Variants in CASK observed in about 807,000 individuals in gnomAD.
The protein encoded by CASK is peripheral plasma membrane protein CASK.
CASK carries 4 observed loss-of-function variants against 82.9 expected under a neutral mutation model. The observed-to-expected ratio is 0.05, with a 90% CI of 0.02 to 0.11. The LOEUF is 0.11. CASK is among the 10% of genes least tolerant of loss of function. CASK has a pLI of 1.00. For synonymous variants in CASK, 259 were observed against 253.5 expected (o/e 1.02, Z -0.20); for missense variants, 358 against 720.9 (o/e 0.50, Z 5.76).
At chrX:41,627,820 C>T (rs766458772) in intron 9 of CASK, among the ~76,000 whole-genome samples, 50 of 111,767 alleles carry the variant, frequency 4.5e-4, no homozygotes, top group African/African-American at 1.4e-3. Flanking sequence ...CTGACCAACA[C>T]GGAGAAACCC....
intron 11 of CASK, among the ~76,000 whole-genome samples, chrX:41,614,511 A>C (rs1312407239): frequency 9.1e-6 from 1 of 110,314 alleles, no homozygotes; most frequent in Admixed American, 9.6e-5. Context: ...CTGTTGAAGG[A>C]ACTATGGATA....
chrX:41,878,813 C>G (rs1432730772), intron 1 of CASK, among the ~76,000 whole-genome samples: 1 of 110,823 alleles, frequency 9.0e-6, no homozygotes. Flanking sequence ...ATCTTAAAAT[C>G]TGGAAATCCT....
intron 1 of CASK, among the ~76,000 whole-genome samples, chrX:41,907,612 G>A (rs756535962): frequency 1.8e-5 from 2 of 111,566 alleles, no homozygotes; most frequent in South Asian, 3.8e-4. Context: ...AAGATTGCCC[G>A]AAATATTCAA....
chrX:41,708,862 G>GT (rs1333498003), intron 5 of CASK, among the ~76,000 whole-genome samples: 25 of 106,950 alleles, frequency 2.3e-4, no homozygotes, highest in South Asian at 1.9e-3. Flanking sequence ...CTTCTTTCCA[G>GT]TTTTTTTTTT....
At chrX:41,548,894 A>G (rs1445243951) in intron 21 of CASK, among the ~76,000 whole-genome samples, 1 of 112,201 alleles carries the variant, frequency 8.9e-6, no homozygotes, top group Non-Finnish European at 1.9e-5. Flanking sequence ...CAGAGGAATG[A>G]AATTGATTTT....
At chrX:41,569,791 T>C (rs2065380886) in intron 15 of CASK, 45 bp from the exon 16 acceptor site, 1 of 754,034 alleles carries the variant, frequency 1.3e-6, no homozygotes, top group Non-Finnish European at 2.0e-6. Context: ...AGAATTACTA[T>C]GACAGTGCTT....
At chrX:41,590,085 G>C in intron 12 of CASK, 1 of 132,401 alleles carries the variant, frequency 7.6e-6, no homozygotes, top group Middle Eastern at 3.6e-3. Context: ...TCTCACAAAG[G>C]CTTATGGTTG....
intron 16 of CASK, among the ~76,000 whole-genome samples, chrX:41,564,771 C>T (rs772673486): frequency 8.9e-6 from 1 of 111,787 alleles, no homozygotes; most frequent in South Asian, 3.7e-4. Flanking sequence ...CCAAAATCAA[C>T]AGAATATATA....
intron 1 of CASK, among the ~76,000 whole-genome samples, chrX:41,917,100 C>T (rs1297533740): frequency 8.9e-6 from 1 of 112,297 alleles, no homozygotes; most frequent in Non-Finnish European, 1.9e-5. Context: ...AGTATAGAAA[C>T]TCTGAAAATG....
At chrX:41,816,188 C>T (rs2070407275) in intron 2 of CASK, among the ~76,000 whole-genome samples, 1 of 111,791 alleles carries the variant, frequency 8.9e-6, no homozygotes, top group African/African-American at 3.3e-5. Flanking sequence ...AAAAAGGATA[C>T]ACTGCATAAA....
At chrX:41,620,384 A>G (rs993365292) in intron 11 of CASK, among the ~76,000 whole-genome samples, 5 of 112,000 alleles carry the variant, frequency 4.5e-5, no homozygotes, top group African/African-American at 1.6e-4. Context: ...ACTCAGCATC[A>G]CTGAGCAAAT....
At chrX:41,740,830 C>T (rs2068585925) in intron 4 of CASK, among the ~76,000 whole-genome samples, 1 of 111,932 alleles carries the variant, frequency 8.9e-6, no homozygotes, top group African/African-American at 3.2e-5. Flanking sequence ...AGGGGTTGTG[C>T]TCATATACTC....
At chrX:41,791,275 CAAT>C (rs2069708697) in intron 2 of CASK, among the ~76,000 whole-genome samples, 1 of 110,400 alleles carries the variant, frequency 9.1e-6, no homozygotes, top group Non-Finnish European at 1.9e-5. Context: ...ACACTGTACC[CAAT>C]GTGTAGTCTT....
chrX:41,644,777 T>TGCCCACCCC (rs2066726838), intron 8 of CASK, among the ~76,000 whole-genome samples: 2 of 111,631 alleles, frequency 1.8e-5, no homozygotes, highest in African/African-American at 3.2e-5. Context: ...CTGGCCCCCT[T>TGCCCACCCC]GAGGCGTACT....
intron 1 of CASK, among the ~76,000 whole-genome samples, chrX:41,873,447 A>G (rs999857818): frequency 8.9e-6 from 1 of 111,904 alleles, no homozygotes; most frequent in African/African-American, 3.2e-5. Context: ...AAAACAGTAC[A>G]TCTGTTGTGC....
At chrX:41,763,595 G>A (rs949741238) in intron 3 of CASK, among the ~76,000 whole-genome samples, 5 of 111,480 alleles carry the variant, frequency 4.5e-5, no homozygotes, top group Non-Finnish European at 7.5e-5. Flanking sequence ...CCAGGTGGTC[G>A]AGGCTGCAGT....
At chrX:41,610,072 G>C in intron 11 of CASK, 47 bp from the exon 12 acceptor site, 2 of 1,173,470 alleles carry the variant, frequency 1.7e-6, no homozygotes, top group Non-Finnish European at 2.3e-6. Context: ...GAAAGTCAAT[G>C]TCAAACTAAC....
At chrX:41,552,321 G>A (rs1464810346) in intron 21 of CASK, among the ~76,000 whole-genome samples, 2 of 109,902 alleles carry the variant, frequency 1.8e-5, no homozygotes, top group Non-Finnish European at 3.8e-5. Context: ...TTTTCATCAG[G>A]AGGATTTATC....
chrX:41,875,499 C>T (rs769487633), intron 1 of CASK, among the ~76,000 whole-genome samples: 21 of 111,411 alleles, frequency 1.9e-4, no homozygotes, highest in Non-Finnish European at 3.6e-4. Context: ...TTCACTTTCA[C>T]CCATAACCTA....
Sources: allele counts gnomAD v4.1 joint callset (sites outside exome capture counted in the v4.1 genomes callset), GRCh38; gene constraint gnomAD v4.1.1; transcripts MANE v1.5; gene names NCBI Gene and HGNC (gene_info 2026-07-23, HGNC 2026-07-21).